Variants in ACACB observed in about 807,000 individuals in gnomAD.
ACACB encodes the protein acetyl-CoA carboxylase beta, also known as acetyl-CoA carboxylase 2.
ACACB carries 209 observed loss-of-function variants against 278.8 expected under a neutral mutation model. The observed-to-expected ratio is 0.75, with a 90% CI of 0.67 to 0.84. The LOEUF (loss-of-function observed/expected upper bound fraction) is 0.84. Among genes scored for constraint, ACACB ranks in the 40% least tolerant of loss-of-function variants. ACACB has a pLI of 0.00. For missense variants in ACACB, 2,850 were observed against 3,269.0 expected, an observed-to-expected ratio of 0.87 and a Z score of 3.13; for synonymous variants, 1,174 against 1,285.6, an observed-to-expected ratio of 0.91 and a Z score of 1.86.
At position 109,186,636 on chromosome 12, in the gene ACACB, T is replaced by G. The variant is rs147817490; in HGVS notation, c.1980+896T>G. On this transcript the variant is annotated intron_variant, in intron 12 of 52. Coordinates refer to ENST00000338432, the MANE Select transcript of ACACB (RefSeq NM_001093.4). ...ACAGGACTCATCAATCTACTACAAC[T>G]TAATTGCTTAATTATTACCCTCAGG... Among the ~76,000 whole-genome samples, 690 of 152,224 alleles carry G rather than the reference T, an allele frequency of 4.5e-3. 2 individuals carry two copies. Among genetic ancestry groups the G allele is most frequent in the Non-Finnish European group, 7.4e-3 (504 of 68,018 alleles).
At chr12:109,181,358 G>A (rs1200893211) in intron 11 of ACACB, among the ~76,000 whole-genome samples, 5 of 151,506 alleles carry the variant, frequency 3.3e-5, no homozygotes, top group Non-Finnish European at 7.4e-5. Flanking sequence ...CTCCCTAGTA[G>A]TTGGGATTAC....
rs545726209 is a variant in ACACB, at chr12:109,199,387, C to T, written c.2628-15C>T. 1 of 1,463,780 alleles carries T rather than the reference C, an allele frequency of 6.8e-7. No individual in the cohort carries two copies. Among genetic ancestry groups the T allele is most frequent in the Non-Finnish European group, 9.1e-7 (1 of 1,101,148 alleles). The allele number at this position is 1,463,780 out of a possible 1,614,324, so 90.7% of individuals were successfully genotyped here. A position where few individuals can be genotyped will look rare whatever the true frequency, so the allele number is the denominator to read the frequency against. On this transcript the variant is annotated splice_polypyrimidine_tract_variant and intron_variant, in intron 17 of 52. Transcript: ENST00000338432. ...TCCTCATCAGTCTCCCTACCCGACT[C>T]CTCCTCTCTCCCAGTTACCGAATTA...
intron 2 of ACACB, among the ~76,000 whole-genome samples, chr12:109,140,592 G>A (rs2136029385): frequency 6.6e-6 from 1 of 152,292 alleles, no homozygotes; most frequent in South Asian, 2.1e-4. Flanking sequence ...AGGAAGTGGA[G>A]GTTGCAGTGA....
chr12:109,140,044 C>G lies in ACACB; in HGVS notation c.639C>G (p.Arg213=), dbSNP rs781384319. Residue 213 remains arginine (R), a synonymous_variant, in exon 2 of 53, where the codon CGC becomes CGG. Transcript: ENST00000338432. ...AYLTTGEAET[R]VPTMRPSMSG... ...TGACCACAGGTGAAGCTGAGACCCG[C>G]GTCCCCACTATGAGGTAATGTGCAT... The G allele has an allele frequency of 6.3e-7, 1 of 1,595,770 alleles. No homozygotes were observed. The highest frequency in any genetic ancestry group is 1.3e-5 in the African/African-American group (1 of 74,690).
At chr12:109,132,249 C>T (rs745967478) in intron 1 of ACACB, among the ~76,000 whole-genome samples, 1 of 152,100 alleles carries the variant, frequency 6.6e-6, no homozygotes, top group Non-Finnish European at 1.5e-5. Context: ...ACTGCAACCT[C>T]TGCCTCCTGG....
Position 109,179,214 on chromosome 12 carries a change from T to C in ACACB, c.1564T>C (p.Ser522Pro). 3 of 1,614,040 alleles carry C rather than the reference T, an allele frequency of 1.9e-6. No homozygotes were observed. The South Asian group carries it at 3.3e-5, about 18-fold the overall frequency. ...TGTGTCTCTGTTTGGTCGCGACTGC[T>C]CCATCCAGCGGCGGCATCAGAAGAT... ...NAVSLFGRDCSIQRRHQKIVE... is the reference protein window; with the variant it reads ...NAVSLFGRDCPIQRRHQKIVE... The change falls in exon 10 of 53, where the codon TCC becomes CCC. Residue 522 changes from serine (S) to proline (P), a missense_variant. Transcript: ENST00000338432.
chr12:109,183,711 T>A (rs1371041854), intron 11 of ACACB, among the ~76,000 whole-genome samples: 1 of 152,178 alleles, frequency 6.6e-6, no homozygotes, highest in African/African-American at 2.4e-5. Flanking sequence ...ATTTTAAGAT[T>A]ATATCATCTG....
intron 21 of ACACB, among the ~76,000 whole-genome samples, chr12:109,210,453 A>G (rs7976048): frequency 0.018 from 2,468 of 136,586 alleles, 117 homozygotes; most frequent in African/African-American, 0.057. Context: ...ATGTGTATAT[A>G]TGTATATATA....
At position 109,206,829 on chromosome 12, in the gene ACACB, T is replaced by G. The variant is rs762938664; in HGVS notation, c.3033T>G (p.Cys1011Trp). The G allele has an allele frequency of 2.5e-5, 40 of 1,614,032 alleles. No homozygotes were observed. Among genetic ancestry groups the G allele is most frequent in the Non-Finnish European group, 3.1e-5 (37 of 1,180,050 alleles). The change falls in exon 20 of 53, where the codon TGT becomes TGG. Residue 1011 changes from cysteine (C) to tryptophan (W), a missense_variant. Physicochemically the swap from Cys to Trp is radical, Grantham distance 215 (BLOSUM62 -2). Coordinates refer to ENST00000338432, the MANE Select transcript of ACACB (RefSeq NM_001093.4). ...ENLTNVMSGF[C>W]LPEPVFSIKL... is the part of the protein sequence containing the mutation. ...TCACCAACGTCATGAGTGGCTTTTG[T>G]CTGCCAGAGCCCGTTTTTAGCATAA...
At chr12:109,182,893 G>GT (rs1373309666) in intron 11 of ACACB, among the ~76,000 whole-genome samples, 2 of 152,100 alleles carry the variant, frequency 1.3e-5, no homozygotes, top group Admixed American at 1.3e-4. Context: ...GTTCCTGAGA[G>GT]TTCCCCCAAT....
chr12:109,250,227 C>G (rs2136744433), intron 41 of ACACB, 123 bp downstream of exon 41: 1 of 1,051,998 alleles, frequency 9.5e-7, no homozygotes, highest in East Asian at 2.9e-5. Context: ...CCTACAGTTA[C>G]CACATGCCAG....
At chr12:109,148,143 A>G (rs889571895) in intron 2 of ACACB, among the ~76,000 whole-genome samples, 7 of 152,202 alleles carry the variant, frequency 4.6e-5, no homozygotes, top group African/African-American at 1.7e-4. Context: ...AGGGATTAGA[A>G]CTTGGCCTTT....
rs142859310 is a variant in ACACB at position 109,190,368 on chromosome 12, G to A, written c.2145-1245G>A. The stretch of plus-strand genomic sequence containing the variant: ...CTCACAAAGTGTTGGGATTACAGGC[G>A]TGAGCCACTGCACCTGGCCTGAGGT... On this transcript the variant is annotated intron_variant, in intron 13 of 52. Coordinates refer to ENST00000338432, the MANE Select transcript of ACACB (RefSeq NM_001093.4). 5.4e-4 allele frequency among the ~76,000 whole-genome samples: 82 copies of A among 152,270 alleles called. No homozygotes were observed. The East Asian group carries it at 0.013, about 23-fold the overall frequency.
intron 4 of ACACB, 84 bp downstream of exon 4, chr12:109,168,118 T>G: frequency 2.8e-6 from 4 of 1,440,382 alleles, no homozygotes; most frequent in Non-Finnish European, 3.8e-6. Context: ...GGCAAGTCCA[T>G]CCTGGACTCC....
chr12:109,218,631 A>G (rs933100399), intron 24 of ACACB, among the ~76,000 whole-genome samples: 8 of 150,720 alleles, frequency 5.3e-5, no homozygotes, highest in Non-Finnish European at 1.0e-4. Context: ...GACTTGGCTT[A>G]TAGTAGAAAG....
At position 109,209,995 on chromosome 12, in the gene ACACB, A is replaced by G. The variant is rs28488820; in HGVS notation, c.3249+642A>G. On this transcript the variant is annotated intron_variant, in intron 21 of 52. Coordinates refer to ENST00000338432, the MANE Select transcript of ACACB (RefSeq NM_001093.4). ...CACATACACACACGTGTGTGTATAT[A>G]TGTGTATATGTGTATATATACACAC... Among the ~76,000 whole-genome samples the G allele has an allele frequency of 2.6e-5, 3 of 114,160 alleles. 1 individual carries two copies. The highest frequency in any genetic ancestry group is 5.3e-5 in the Non-Finnish European group (3 of 56,426). The allele number at this position is 114,160 out of a possible 152,430, so 74.9% of individuals were successfully genotyped here. A position where few individuals can be genotyped will look rare whatever the true frequency, so the allele number is the denominator to read the frequency against.
intron 39 of ACACB, among the ~76,000 whole-genome samples, chr12:109,246,801 C>G (rs1357597871): frequency 6.6e-6 from 1 of 152,126 alleles, no homozygotes; most frequent in Non-Finnish European, 1.5e-5. Flanking sequence ...AGAATTATGG[C>G]TCACACCTGT....
At chr12:109,166,193 G>A (rs551979180) in intron 2 of ACACB, among the ~76,000 whole-genome samples, 46 of 152,234 alleles carry the variant, frequency 3.0e-4, no homozygotes, top group African/African-American at 9.4e-4. Context: ...TAACAAGTCG[G>A]AACGATTAGA....
upstream of ACACB, among the ~76,000 whole-genome samples, chr12:109,112,158 T>A (rs920380091): frequency 1.3e-5 from 2 of 149,872 alleles, no homozygotes; most frequent in Non-Finnish European, 3.0e-5. Context: ...ATAAAATGTA[T>A]ATTTTAAATA....
Sources: allele counts gnomAD v4.1 joint callset (sites outside exome capture counted in the v4.1 genomes callset), GRCh38; gene constraint gnomAD v4.1.1; transcripts MANE v1.5; gene names NCBI Gene and HGNC (gene_info 2026-07-23, HGNC 2026-07-21).